The following POU2F1 variants were observed in gnomAD, a reference collection of about 807,000 sequenced individuals.
The protein encoded by POU2F1 is POU domain, class 2, transcription factor 1.
A neutral mutation model predicts 84.9 loss-of-function variants in POU2F1; 16 were observed. The observed-to-expected ratio is 0.19, with a 90% CI of 0.13 to 0.29. The LOEUF (loss-of-function observed/expected upper bound fraction) is 0.29, where lower values mean the gene tolerates loss of function less well. POU2F1 is among the 10% of genes least tolerant of loss of function. The pLI is 1.00. For missense variants in POU2F1, 738 were observed against 942.6 expected, an observed-to-expected ratio of 0.78 and a Z score of 2.84; for synonymous variants, 368 against 368.3, an observed-to-expected ratio of 1.00 and a Z score of 0.01.
At chr1:167,391,716 A>C (rs1026577528) in intron 9 of POU2F1, among the ~76,000 whole-genome samples, 1 of 151,242 alleles carries the variant, frequency 6.6e-6, no homozygotes, top group Non-Finnish European at 1.5e-5. Context: ...ACTCAGGCAC[A>C]CCACCACACC....
chr1:167,228,971 T>TA (rs1648855529), intron 1 of POU2F1, among the ~76,000 whole-genome samples: 1 of 152,176 alleles, frequency 6.6e-6, no homozygotes, highest in African/African-American at 2.4e-5. Context: ...AAATAAAACT[T>TA]AGATTAAGTG....
rs565816052 is a variant in POU2F1, at chr1:167,427,286, T to C, written c.*11476T>C. 6.6e-6 allele frequency: 1 copy of C among 152,344 alleles called. No individual in the cohort carries two copies. Among genetic ancestry groups the C allele is most frequent in the Admixed American group, 6.5e-5 (1 of 15,306 alleles). 9.4% of individuals were successfully genotyped at this position (152,344 alleles called of 1,614,324 possible). On this transcript the variant is annotated 3_prime_UTR_variant, in exon 16 of 16. Coordinates refer to ENST00000367866, the MANE Select transcript of POU2F1 (RefSeq NM_002697.4). ...ATATATATATTAAACTTACTGTAAC[T>C]GTACAGTTCATTTCTGTTGTAAAAC...
At chr1:167,389,832 A>C (rs1648264620) in intron 9 of POU2F1, 71 bp downstream of exon 9, 2 of 1,501,108 alleles carry the variant, frequency 1.3e-6, no homozygotes, top group Admixed American at 1.9e-5. Flanking sequence ...CTCTGTATTC[A>C]TGGATTCCAC....
At chr1:167,340,597 A>T (rs1657783819) in intron 2 of POU2F1, among the ~76,000 whole-genome samples, 1 of 151,316 alleles carries the variant, frequency 6.6e-6, no homozygotes, top group African/African-American at 2.4e-5. Flanking sequence ...ACGCCCAGCT[A>T]ATTTTTGTGT....
At chr1:167,323,504 C>G (rs1158259493) in intron 1 of POU2F1, among the ~76,000 whole-genome samples, 1 of 152,172 alleles carries the variant, frequency 6.6e-6, no homozygotes, top group East Asian at 1.9e-4. Context: ...TGAGCCACCA[C>G]TTAAATGACT....
intron 13 of POU2F1, among the ~76,000 whole-genome samples, chr1:167,402,264 G>C (rs1571450292): frequency 6.6e-6 from 1 of 152,104 alleles, no homozygotes; most frequent in Admixed American, 6.6e-5. Flanking sequence ...TTGGTTATTT[G>C]CTAGTACATC....
chr1:167,244,973 C>T (rs1650204056), intron 1 of POU2F1, among the ~76,000 whole-genome samples: 1 of 152,082 alleles, frequency 6.6e-6, no homozygotes, highest in Admixed American at 6.6e-5. Context: ...CTTCTAACAT[C>T]TTTTAGGAAG....
At chr1:167,341,963 C>G (rs776452229) in intron 2 of POU2F1, among the ~76,000 whole-genome samples, 1 of 152,106 alleles carries the variant, frequency 6.6e-6, no homozygotes, top group South Asian at 2.1e-4. Flanking sequence ...CACCCCCAGT[C>G]GAATTCCTCT....
At chr1:167,379,666 T>C (rs1557941968) in intron 7 of POU2F1, 1 of 152,200 alleles carries the variant, frequency 6.6e-6, no homozygotes, top group Non-Finnish European at 1.5e-5. Flanking sequence ...GAAAGTGACC[T>C]AGATCAGAAA....
intron 1 of POU2F1, among the ~76,000 whole-genome samples, chr1:167,322,797 G>A (rs1416416164): frequency 6.6e-6 from 1 of 152,214 alleles, no homozygotes; most frequent in Non-Finnish European, 1.5e-5. Context: ...TATAGATTTA[G>A]ATTAAAACGG....
Position 167,420,666 on chromosome 1 carries a change from C to T in POU2F1, c.*4856C>T, listed in dbSNP as rs1028964058. On this transcript the variant is annotated 3_prime_UTR_variant, in exon 16 of 16. Transcript: ENST00000367866. Reference sequence around the variant, plus strand: ...AAAGCCTCTTGCTGTTGTTTCTTCCCAAGAAAGGAGAAGCCCTGCCAGGGA... The same window carrying T: ...AAAGCCTCTTGCTGTTGTTTCTTCCTAAGAAAGGAGAAGCCCTGCCAGGGA... 1 of 152,140 alleles carries T rather than the reference C, an allele frequency of 6.6e-6. No individual in the cohort carries two copies. The highest frequency in any genetic ancestry group is 1.5e-5 in the Non-Finnish European group (1 of 68,046). 9.4% of individuals were successfully genotyped at this position (152,140 alleles called of 1,614,324 possible).
At chr1:167,376,866 C>T (rs1187700429) in intron 7 of POU2F1, among the ~76,000 whole-genome samples, 1 of 152,006 alleles carries the variant, frequency 6.6e-6, no homozygotes, top group Non-Finnish European at 1.5e-5. Flanking sequence ...ATAAGTAATT[C>T]AGTATTTACT....
At chr1:167,384,601 A>G (rs895591443) in intron 8 of POU2F1, among the ~76,000 whole-genome samples, 8 of 151,916 alleles carry the variant, frequency 5.3e-5, no homozygotes, top group African/African-American at 1.9e-4. Context: ...GGAAGTTATC[A>G]CTTAATACTA....
At chr1:167,383,663 G>C (rs1647734092) in intron 7 of POU2F1, 194 bp from the exon 8 acceptor site, 2 of 503,484 alleles carry the variant, frequency 4.0e-6, no homozygotes, top group Non-Finnish European at 7.1e-6. Context: ...TTAATTTAAT[G>C]TTGTATATCT....
chr1:167,307,926 G>T (rs950233455), intron 1 of POU2F1, among the ~76,000 whole-genome samples: 1 of 152,120 alleles, frequency 6.6e-6, no homozygotes, highest in African/African-American at 2.4e-5. Context: ...AATACATTTT[G>T]TGGAATGTTT....
intron 1 of POU2F1, among the ~76,000 whole-genome samples, chr1:167,282,821 C>T (rs1202149689): frequency 6.6e-6 from 1 of 152,174 alleles, no homozygotes; most frequent in Non-Finnish European, 1.5e-5. Context: ...GGGTTAAATG[C>T]AGAGCTTGCT....
intron 1 of POU2F1, among the ~76,000 whole-genome samples, chr1:167,310,048 G>A (rs578096931): frequency 6.6e-6 from 1 of 152,164 alleles, no homozygotes; most frequent in African/African-American, 2.4e-5. Context: ...AAATCAAGGA[G>A]TTACTATATG....
intron 10 of POU2F1, among the ~76,000 whole-genome samples, chr1:167,397,015 G>A (rs1397294171): frequency 6.6e-6 from 1 of 152,144 alleles, no homozygotes; most frequent in Non-Finnish European, 1.5e-5. Context: ...CAAAAATTAG[G>A]CCTTTGGAAA....
At chr1:167,398,177 A>T in intron 11 of POU2F1, 44 bp downstream of exon 11, 21 of 1,595,396 alleles carry the variant, frequency 1.3e-5, no homozygotes, top group Non-Finnish European at 1.8e-5. Context: ...TTGTCTGTGT[A>T]GTACTTAACA....
Sources: allele counts gnomAD v4.1 joint callset (sites outside exome capture counted in the v4.1 genomes callset), GRCh38; gene constraint gnomAD v4.1.1; transcripts MANE v1.5; gene names NCBI Gene and HGNC (gene_info 2026-07-23, HGNC 2026-07-21).